COG5: variants seen among roughly 807,000 people sequenced by gnomAD.
COG5 encodes conserved oligomeric Golgi complex subunit 5.
A neutral mutation model predicts 110.4 loss-of-function variants in COG5; 86 were observed. The ratio of observed to expected loss-of-function variants is 0.78; its 90% confidence interval spans 0.65 to 0.93. The LOEUF (loss-of-function observed/expected upper bound fraction) is 0.93, where lower values mean the gene tolerates loss of function less well. COG5 is among the 40% of genes least tolerant of loss of function. COG5 has a pLI of 0.00. For missense variants in COG5, 1,077 were observed against 987.0 expected (o/e 1.09, Z -1.22); for synonymous variants, 360 against 334.6 (o/e 1.08, Z -0.83).
intron 12 of COG5, among the ~76,000 whole-genome samples, chr7:107,289,365 C>T (rs1269890549): frequency 6.6e-6 from 1 of 152,104 alleles, no homozygotes; most frequent in East Asian, 1.9e-4. Context: ...TTATGTCTAT[C>T]CTTGTGCCAG....
At chr7:107,452,077 C>G (rs1337674930) in intron 6 of COG5, among the ~76,000 whole-genome samples, 1 of 152,124 alleles carries the variant, frequency 6.6e-6, no homozygotes, top group Non-Finnish European at 1.5e-5. Context: ...CTTCTTTAAC[C>G]ACATCTCACT....
At chr7:107,344,733 A>C (rs1811450206) in intron 10 of COG5, among the ~76,000 whole-genome samples, 1 of 152,286 alleles carries the variant, frequency 6.6e-6, no homozygotes, top group East Asian at 1.9e-4. Context: ...CACGTTGGTC[A>C]GGCTGGTCTT....
chr7:107,295,109 T>A lies in COG5; in HGVS notation c.1313+3033A>T, dbSNP rs1373835905. On this transcript the variant is annotated intron_variant, in intron 12 of 21. Transcript: ENST00000297135. ...TATATATATATATATATATTTTTTT[T>A]TTTTTTTTGTAGAGTCAGGATTTCA... Among the ~76,000 whole-genome samples, 111 of 113,214 alleles carry A rather than the reference T, an allele frequency of 9.8e-4. 2 individuals carry two copies. The highest frequency in any genetic ancestry group is 4.7e-3 in the Middle Eastern group (1 of 214). 74.3% of individuals were successfully genotyped at this position (113,214 alleles called of 152,430 possible).
At chr7:107,494,002 G>C (rs1320657862) in intron 6 of COG5, among the ~76,000 whole-genome samples, 2 of 151,986 alleles carry the variant, frequency 1.3e-5, no homozygotes, top group Non-Finnish European at 2.9e-5. Flanking sequence ...TCAAAACAAA[G>C]TAATTTAATA....
chr7:107,303,936 A>T (rs1229159106), intron 11 of COG5, among the ~76,000 whole-genome samples: 1 of 152,132 alleles, frequency 6.6e-6, no homozygotes, highest in East Asian at 1.9e-4. Flanking sequence ...GCCTTGTGCA[A>T]ACTTGTTTTT....
intron 6 of COG5, among the ~76,000 whole-genome samples, chr7:107,417,458 A>G (rs1792939681): frequency 1.3e-5 from 2 of 152,128 alleles, no homozygotes; most frequent in Non-Finnish European, 2.9e-5. Context: ...AATGACCAAA[A>G]TTTACTTAAC....
chr7:107,327,790 G>T (rs1479741238), intron 10 of COG5, among the ~76,000 whole-genome samples: 1 of 152,000 alleles, frequency 6.6e-6, no homozygotes, highest in Non-Finnish European at 1.5e-5. Flanking sequence ...ATAAAAAACT[G>T]GTAAATAACA....
At chr7:107,340,327 G>C (rs1254172151) in intron 10 of COG5, among the ~76,000 whole-genome samples, 1 of 152,096 alleles carries the variant, frequency 6.6e-6, no homozygotes, top group Non-Finnish European at 1.5e-5. Flanking sequence ...AAATCAGGAA[G>C]AAACTGGAAC....
chr7:107,314,583 A>C (rs919080805), intron 11 of COG5, among the ~76,000 whole-genome samples: 14 of 89,916 alleles, frequency 1.6e-4, no homozygotes, highest in Non-Finnish European at 2.7e-4. Flanking sequence ...TCTCTACTAC[A>C]AAAAAAAAAA....
intron 10 of COG5, among the ~76,000 whole-genome samples, chr7:107,343,850 T>C (rs186155304): frequency 2.0e-5 from 3 of 151,480 alleles, no homozygotes; most frequent in African/African-American, 7.3e-5. Flanking sequence ...TTACCAATGA[T>C]GAGTAATAGT....
At chr7:107,512,918 A>G (rs1182998963) in intron 6 of COG5, among the ~76,000 whole-genome samples, 5 of 152,076 alleles carry the variant, frequency 3.3e-5, no homozygotes, top group Non-Finnish European at 7.4e-5. Context: ...AAAGACTTAC[A>G]TGTTAGACCT....
chr7:107,297,213 C>T (rs1240790454), intron 12 of COG5, among the ~76,000 whole-genome samples: 1 of 152,080 alleles, frequency 6.6e-6, no homozygotes, highest in Non-Finnish European at 1.5e-5. Flanking sequence ...CTACAATGGT[C>T]GTGGCTGTAA....
intron 10 of COG5, among the ~76,000 whole-genome samples, chr7:107,359,247 T>C (rs1322109373): frequency 6.6e-6 from 1 of 152,200 alleles, no homozygotes; most frequent in African/African-American, 2.4e-5. Flanking sequence ...CCTACTTTGA[T>C]TTCACAGCAC....
At chr7:107,443,766 G>A (rs1794856427) in intron 6 of COG5, among the ~76,000 whole-genome samples, 1 of 152,118 alleles carries the variant, frequency 6.6e-6, no homozygotes, top group South Asian at 2.1e-4. Context: ...GTGCCATGAA[G>A]GACTTATGCC....
chr7:107,204,960 C>G (rs563691712), intron 21 of COG5, among the ~76,000 whole-genome samples: 7 of 152,190 alleles, frequency 4.6e-5, no homozygotes, highest in Non-Finnish European at 7.3e-5. Context: ...GTTCTTTTCC[C>G]CTCCTACACC....
At chr7:107,214,976 A>G (rs1427756429) in intron 19 of COG5, among the ~76,000 whole-genome samples, 1 of 152,150 alleles carries the variant, frequency 6.6e-6, no homozygotes, top group Non-Finnish European at 1.5e-5. Context: ...AGGGATACAA[A>G]TTACAAAATG....
chr7:107,322,626 T>C (rs758840337), intron 11 of COG5, among the ~76,000 whole-genome samples: 2 of 152,178 alleles, frequency 1.3e-5, no homozygotes, highest in Non-Finnish European at 2.9e-5. Context: ...ACATTGTTGA[T>C]GGAAATGCAA....
intron 6 of COG5, among the ~76,000 whole-genome samples, chr7:107,487,767 C>A (rs921891960): frequency 5.3e-5 from 8 of 151,356 alleles, no homozygotes; most frequent in Non-Finnish European, 1.2e-4. Context: ...TAGATTATTA[C>A]ATAAAGTATT....
chr7:107,489,478 A>G (rs529405508), intron 6 of COG5, among the ~76,000 whole-genome samples: 10 of 152,264 alleles, frequency 6.6e-5, no homozygotes, highest in Admixed American at 2.0e-4. Flanking sequence ...CTGAAGTTCT[A>G]AGTTCACATA....
Sources: allele counts gnomAD v4.1 joint callset (sites outside exome capture counted in the v4.1 genomes callset), GRCh38; gene constraint gnomAD v4.1.1; transcripts MANE v1.5; gene names NCBI Gene and HGNC (gene_info 2026-07-23, HGNC 2026-07-21).